Variants in ARHGAP10 observed in about 807,000 individuals in gnomAD.
ARHGAP10 encodes the protein rho GTPase-activating protein 10.
Under a neutral mutation model 108.6 loss-of-function variants are expected in ARHGAP10, and 87 were observed. The ratio of observed to expected loss-of-function variants is 0.80; its 90% CI spans 0.67 to 0.96. The LOEUF (loss-of-function observed/expected upper bound fraction) is 0.96. ARHGAP10 is among the 40% of genes least tolerant of loss of function. ARHGAP10 has a pLI of 0.00. For missense variants in ARHGAP10, 939 were observed against 954.5 expected (o/e 0.98, Z 0.21); for synonymous variants, 347 against 341.1 (o/e 1.02, Z -0.19).
At chr4:147,793,318 A>AT (rs1436214667) in intron 1 of ARHGAP10, among the ~76,000 whole-genome samples, 7 of 52,752 alleles carry the variant, frequency 1.3e-4, no homozygotes, top group Non-Finnish European at 4.3e-4. Context: ...ATATATATAT[A>AT]TATTTTTTTT....
intron 10 of ARHGAP10, among the ~76,000 whole-genome samples, chr4:147,895,048 A>AG (rs1439005490): frequency 1.3e-5 from 2 of 152,176 alleles, no homozygotes; most frequent in Non-Finnish European, 2.9e-5. Flanking sequence ...CAAAACCCAT[A>AG]GGTCAATATT....
chr4:147,843,531 T>A (rs1733502755), intron 3 of ARHGAP10, among the ~76,000 whole-genome samples: 1 of 152,180 alleles, frequency 6.6e-6, no homozygotes, highest in Non-Finnish European at 1.5e-5. Flanking sequence ...TTCTTTTTCT[T>A]TTTCTTTTTC....
At chr4:148,003,145 T>G (rs1472510851) in intron 18 of ARHGAP10, among the ~76,000 whole-genome samples, 1 of 152,224 alleles carries the variant, frequency 6.6e-6, no homozygotes, top group African/African-American at 2.4e-5. Context: ...AAAGACCATG[T>G]TTATTTCTGC....
rs1728233771 is a variant in ARHGAP10 at position 147,732,131 on chromosome 4, G to A, written c.-171G>A. The A allele has an allele frequency of 6.5e-6, 3 of 458,920 alleles. No homozygotes were observed. The highest frequency in any genetic ancestry group is 1.0e-5 in the Non-Finnish European group (3 of 293,416). The allele number at this position is 458,920 out of a possible 1,614,324, so 28.4% of individuals were successfully genotyped here. On this transcript the variant is annotated 5_prime_UTR_variant, in exon 1 of 23. Transcript: ENST00000336498. Reference sequence around the variant, plus strand: ...CTGGTCTCGGTGGCAGCTCCTCCGCGCCGCAGGACTCGGCTCTACGGGACA... The same window carrying A: ...CTGGTCTCGGTGGCAGCTCCTCCGCACCGCAGGACTCGGCTCTACGGGACA...
chr4:148,020,610 T>G (rs2149661840), intron 18 of ARHGAP10, among the ~76,000 whole-genome samples: 1 of 151,926 alleles, frequency 6.6e-6, no homozygotes, highest in Non-Finnish European at 1.5e-5. Flanking sequence ...ACCATGTCCC[T>G]GCAAAGGACA....
At chr4:147,736,371 G>T (rs1728412276) in intron 1 of ARHGAP10, among the ~76,000 whole-genome samples, 1 of 152,144 alleles carries the variant, frequency 6.6e-6, no homozygotes, top group South Asian at 2.1e-4. Flanking sequence ...CTGTTTCAGA[G>T]AAATATTCTT....
At chr4:148,054,043 C>G (rs925074132) in intron 20 of ARHGAP10, among the ~76,000 whole-genome samples, 3 of 152,168 alleles carry the variant, frequency 2.0e-5, no homozygotes, top group Non-Finnish European at 4.4e-5. Flanking sequence ...TTAAGTCTTG[C>G]ATCAGTCATT....
intron 14 of ARHGAP10, among the ~76,000 whole-genome samples, chr4:147,943,356 T>G (rs1738231501): frequency 6.6e-6 from 1 of 152,238 alleles, no homozygotes; most frequent in Non-Finnish European, 1.5e-5. Context: ...CCTTGTTTCC[T>G]TTGTAGGACA....
intron 6 of ARHGAP10, chr4:147,866,385 G>A (rs1004086505): frequency 9.6e-6 from 2 of 208,900 alleles, no homozygotes; most frequent in East Asian, 2.6e-4. Flanking sequence ...TCAACCTATA[G>A]TGATAAGATT....
At chr4:148,067,841 G>C (rs1415565152) in intron 22 of ARHGAP10, among the ~76,000 whole-genome samples, 3 of 152,188 alleles carry the variant, frequency 2.0e-5, no homozygotes, top group African/African-American at 7.2e-5. Context: ...CAATTGTGTA[G>C]CTCCATGACT....
intron 7 of ARHGAP10, among the ~76,000 whole-genome samples, chr4:147,873,679 A>AAAACACAC (rs1734934335): frequency 6.3e-5 from 1 of 15,766 alleles, no homozygotes; most frequent in Admixed American, 1.0e-3. Flanking sequence ...AACAAAAAAC[A>AAAACACAC]AAACACACAC....
chr4:148,043,736 G>GTATATATA, intron 19 of ARHGAP10, among the ~76,000 whole-genome samples: 1 of 128,996 alleles, frequency 7.8e-6, no homozygotes, highest in African/African-American at 3.2e-5. Context: ...ATATATATGT[G>GTATATATA]TATATATATG....
Position 147,946,722 on chromosome 4 carries a change from G to A in ARHGAP10, c.1391+18G>A. 2 of 1,560,814 alleles carry A rather than the reference G, an allele frequency of 1.3e-6. No homozygotes were observed. Among genetic ancestry groups the A allele is most frequent in the Non-Finnish European group, 1.7e-6 (2 of 1,151,742 alleles). On this transcript the variant is annotated intron_variant, in intron 15 of 22. Transcript: ENST00000336498. ...TATTTGAGGTAAGCTCCTCTCAGTA[G>A]CAAGAAAGAAGAATGGACTATTTGG...
chr4:147,934,845 T>A (rs971242041), intron 13 of ARHGAP10, among the ~76,000 whole-genome samples: 19 of 152,156 alleles, frequency 1.2e-4, no homozygotes, highest in East Asian at 1.9e-4. Context: ...AAATAAAAAA[T>A]TTTAAATGTA....
chr4:148,064,404 C>CT lies in ARHGAP10; in HGVS notation c.2181-9dup. On this transcript the variant is annotated splice_polypyrimidine_tract_variant and intron_variant, in intron 21 of 22. Transcript: ENST00000336498. Reference sequence around the variant, plus strand: ...TTTTCATTGGTGTCTTTTGTATTCTCTTTCTTTTCAGCATCCGCAGTCGGA... The same window carrying CT: ...TTTTCATTGGTGTCTTTTGTATTCTCTTTTCTTTTCAGCATCCGCAGTCGGA... The CT allele has an allele frequency of 1.3e-5, 21 of 1,612,602 alleles. No homozygotes were observed. The highest frequency in any genetic ancestry group is 1.8e-5 in the Non-Finnish European group (21 of 1,179,290).
intron 13 of ARHGAP10, 93 bp from the exon 14 acceptor site, chr4:147,939,732 A>G: frequency 9.2e-7 from 1 of 1,086,454 alleles, no homozygotes; most frequent in Non-Finnish European, 1.4e-6. Context: ...AATGCTGCTA[A>G]TGTTAGTTAG....
At chr4:147,753,741 AT>A (rs1355185483) in intron 1 of ARHGAP10, among the ~76,000 whole-genome samples, 2 of 151,936 alleles carry the variant, frequency 1.3e-5, no homozygotes, top group South Asian at 4.2e-4. Context: ...TGAGAGAATG[AT>A]TTTTTTCCCC....
intron 22 of ARHGAP10, 112 bp downstream of exon 22, chr4:148,064,619 C>A (rs1479270985): frequency 3.2e-6 from 3 of 952,310 alleles, no homozygotes; most frequent in Non-Finnish European, 4.8e-6. Flanking sequence ...GAGTCTCCCC[C>A]TTGATGCTTT....
intron 19 of ARHGAP10, among the ~76,000 whole-genome samples, chr4:148,024,629 A>G (rs1741696297): frequency 6.6e-6 from 1 of 152,248 alleles, no homozygotes; most frequent in Non-Finnish European, 1.5e-5. Flanking sequence ...ACAATTGGAT[A>G]GTTAATTTCC....
Sources: allele counts gnomAD v4.1 joint callset (sites outside exome capture counted in the v4.1 genomes callset), GRCh38; gene constraint gnomAD v4.1.1; transcripts MANE v1.5; gene names NCBI Gene and HGNC (gene_info 2026-07-23, HGNC 2026-07-21).